MYT1L: variants seen among roughly 807,000 people sequenced by gnomAD.
The protein encoded by MYT1L is myelin transcription factor 1 like, also known as myelin transcription factor 1-like protein.
A neutral mutation model predicts 126.7 loss-of-function variants in MYT1L; 12 were observed. The observed-to-expected ratio is 0.09, with a 90% CI of 0.06 to 0.15. The LOEUF (loss-of-function observed/expected upper bound fraction) is 0.15. Ranked by LOEUF, MYT1L falls within the 10% of genes least tolerant of loss-of-function variation. The pLI is 1.00. For missense variants in MYT1L, 979 were observed against 1,585.2 expected, an observed-to-expected ratio of 0.62 and a Z score of 6.49; for synonymous variants, 541 against 604.2, an observed-to-expected ratio of 0.90 and a Z score of 1.53.
At chr2:1,884,482 G>A (rs1233462785) in intron 18 of MYT1L, among the ~76,000 whole-genome samples, 1 of 152,184 alleles carries the variant, frequency 6.6e-6, no homozygotes, top group Non-Finnish European at 1.5e-5. Flanking sequence ...CAGATAAAAG[G>A]GGTCACCAAT....
intron 22 of MYT1L, among the ~76,000 whole-genome samples, chr2:1,802,280 G>A (rs1042443621): frequency 2.0e-5 from 3 of 152,158 alleles, no homozygotes; most frequent in African/African-American, 7.2e-5. Context: ...CTCAGGTCAG[G>A]TTCTGGGTCG....
chr2:1,807,006 C>T (rs2035827988), intron 22 of MYT1L, among the ~76,000 whole-genome samples: 1 of 152,206 alleles, frequency 6.6e-6, no homozygotes, highest in South Asian at 2.1e-4. Flanking sequence ...GTTGGCTATC[C>T]TGGTGTCTCA....
intron 3 of MYT1L, among the ~76,000 whole-genome samples, chr2:2,155,510 C>T (rs909054858): frequency 6.6e-6 from 1 of 152,178 alleles, no homozygotes; most frequent in Non-Finnish European, 1.5e-5. Context: ...CTATTCTCAG[C>T]ACAATCCTTC....
chr2:2,102,940 TA>T lies in MYT1L; in HGVS notation c.-303-48818del, dbSNP rs957949514. On this transcript the variant is annotated intron_variant, in intron 3 of 24. Transcript: ENST00000647738. ...TATTAATATATAATGTCATAACACTTAAAAAAAAAAGCCTTGAAATCCCTGT... is the reference window on the plus strand; with the variant it reads ...TATTAATATATAATGTCATAACACTTAAAAAAAAAGCCTTGAAATCCCTGT... Among the ~76,000 whole-genome samples the T allele has an allele frequency of 2.0e-3, 298 of 146,042 alleles. 1 individual carries two copies. The highest frequency in any genetic ancestry group is 6.9e-3 in the Middle Eastern group (2 of 290).
At chr2:1,988,746 C>A (rs1228399584) in intron 5 of MYT1L, among the ~76,000 whole-genome samples, 1 of 152,220 alleles carries the variant, frequency 6.6e-6, no homozygotes, top group African/African-American at 2.4e-5. Context: ...AGCAGATGCT[C>A]TCCAACTCCT....
intron 4 of MYT1L, among the ~76,000 whole-genome samples, chr2:2,042,556 T>A (rs1265915088): frequency 1.3e-5 from 2 of 152,202 alleles, no homozygotes; most frequent in Non-Finnish European, 2.9e-5. Context: ...TTACCTTCAA[T>A]TAATAGTAAA....
chr2:1,974,513 T>C (rs1253807943), intron 8 of MYT1L: 1 of 152,252 alleles, frequency 6.6e-6, no homozygotes, highest in African/African-American at 2.4e-5. Flanking sequence ...TTCAGGTGAC[T>C]GGCTAATAAT....
At chr2:2,161,026 GC>G (rs1163260329) in intron 3 of MYT1L, among the ~76,000 whole-genome samples, 1 of 152,086 alleles carries the variant, frequency 6.6e-6, no homozygotes, top group African/African-American at 2.4e-5. Context: ...AGACCATCCT[GC>G]CCAACGTGGT....
intron 3 of MYT1L, among the ~76,000 whole-genome samples, chr2:2,107,967 TAGA>T (rs1258222983): frequency 2.0e-5 from 3 of 152,182 alleles, no homozygotes; most frequent in Admixed American, 6.5e-5. Flanking sequence ...CTGTTCAATC[TAGA>T]AGTTCATTAG....
In MYT1L at chr2:1,823,643, C is replaced by G. The variant is rs1200514222; in HGVS notation, c.3081-14476G>C. 2.0e-5 allele frequency among the ~76,000 whole-genome samples: 3 copies of G among 150,584 alleles called. No individual in the cohort carries two copies. In the East Asian group the frequency reaches 5.8e-4, roughly 29 times the overall value. ...TCAGCCCTGCAGGTGGGTCGTGCTC[C>G]TGGGAGGAGCAGCGATGAGGCTGAG... On this transcript the variant is annotated intron_variant, in intron 21 of 24. Transcript: ENST00000647738.
At position 1,851,626 on chromosome 2, in the gene MYT1L, A is replaced by C. The variant is rs369367665; in HGVS notation, c.2774+15T>G. 3.7e-6 allele frequency: 6 copies of C among 1,609,248 alleles called. No homozygotes were observed. In the African/African-American group the frequency reaches 5.3e-5, roughly 14 times the overall value. On this transcript the variant is annotated intron_variant, in intron 19 of 24. Transcript: ENST00000647738. ...GAAAGAGCATTTTGGAGAGAAGAGT[A>C]GCATCTCTACATACCTCCGATGAGA...
chr2:1,842,981 C>A (rs1380360351), intron 19 of MYT1L: 1 of 129,468 alleles, frequency 7.7e-6, no homozygotes, highest in African/African-American at 3.0e-5. Context: ...CTAGTACCGG[C>A]CCCCGGGCTG....
chr2:1,878,987 A>T (rs1236343531), intron 18 of MYT1L, among the ~76,000 whole-genome samples: 1 of 152,122 alleles, frequency 6.6e-6, no homozygotes, highest in Non-Finnish European at 1.5e-5. Flanking sequence ...GCAAAAAAAC[A>T]ATACAAGAGA....
At chr2:2,302,019 G>A (rs2095794130) in intron 1 of MYT1L, among the ~76,000 whole-genome samples, 1 of 152,100 alleles carries the variant, frequency 6.6e-6, no homozygotes, top group African/African-American at 2.4e-5. Flanking sequence ...ATAAAGGAGG[G>A]CAGGCTCATC....
intron 21 of MYT1L, among the ~76,000 whole-genome samples, chr2:1,826,255 G>A (rs1397213634): frequency 2.6e-5 from 4 of 152,368 alleles, no homozygotes; most frequent in Admixed American, 6.5e-5. Flanking sequence ...AGACCGGCAC[G>A]GTGCTCGGGC....
intron 8 of MYT1L, among the ~76,000 whole-genome samples, chr2:1,957,241 C>A (rs1349425501): frequency 6.6e-6 from 1 of 152,186 alleles, no homozygotes; most frequent in Non-Finnish European, 1.5e-5. Flanking sequence ...ATCTACCATC[C>A]ATCTACTCTG....
At chr2:2,172,379 G>C (rs571353688) in intron 3 of MYT1L, among the ~76,000 whole-genome samples, 1 of 152,168 alleles carries the variant, frequency 6.6e-6, no homozygotes, top group Non-Finnish European at 1.5e-5. Context: ...CACCCACAAG[G>C]AGGCTCACAT....
Position 1,851,513 on chromosome 2 carries a change from G to A in MYT1L, c.2774+128C>T, listed in dbSNP as rs961751024. Reference sequence around the variant, plus strand: ...GGACGTCACTGCTTTATGGCGCTAAGAGTCTCTAGATCCTTAATTTTGCCC... The same window carrying A: ...GGACGTCACTGCTTTATGGCGCTAAAAGTCTCTAGATCCTTAATTTTGCCC... On this transcript the variant is annotated intron_variant, in intron 19 of 24. Coordinates refer to ENST00000647738, the MANE Select transcript of MYT1L (RefSeq NM_001303052.2). The A allele has an allele frequency of 9.6e-6, 8 of 836,652 alleles. No homozygotes were observed. In the Admixed American group the frequency reaches 1.6e-4, roughly 16 times the overall value. The allele number at this position is 836,652 out of a possible 1,614,324, so 51.8% of individuals were successfully genotyped here.
At position 1,793,158 on chromosome 2, in the gene MYT1L, G is replaced by A. The variant is rs185011403; in HGVS notation, c.3277-694C>T. ...TGTGTCTTCAGATGGCACCAGGCTG[G>A]CACTGTGCCCACAGGGTGGTCTTCC... is the stretch of plus-strand genomic sequence containing the variant. On this transcript the variant is annotated intron_variant, in intron 23 of 24. Coordinates refer to ENST00000647738, the MANE Select transcript of MYT1L (RefSeq NM_001303052.2). This position sits in a 1 kb window ranked among gnomAD's most constrained non-coding sequence, Gnocchi z 4.6. Among the ~76,000 whole-genome samples the A allele has an allele frequency of 6.6e-6, 1 of 152,298 alleles. No homozygotes were observed. Among genetic ancestry groups the A allele is most frequent in the African/African-American group, 2.4e-5 (1 of 41,578 alleles).
Sources: gnomAD v4.1 joint callset for allele counts (sites outside exome capture counted in the v4.1 genomes callset) on GRCh38, gnomAD v4.1.1 for gene constraint, Gnocchi (gnomAD v3.1) non-coding constraint, MANE v1.5 for transcripts, NCBI Gene and HGNC (gene_info 2026-07-23, HGNC 2026-07-21) for gene names.